The following EPAS1 variants were observed in gnomAD, a reference collection of about 807,000 sequenced individuals.
The protein encoded by EPAS1 is endothelial PAS domain-containing protein 1.
In EPAS1, 23 loss-of-function variants were observed where a neutral mutation model predicts 87.9. The ratio of observed to expected loss-of-function variants is 0.26; its 90% CI spans 0.19 to 0.37. The LOEUF (loss-of-function observed/expected upper bound fraction) is 0.37, where lower values mean the gene tolerates loss of function less well. Ranked by LOEUF, EPAS1 falls within the 10% of genes least tolerant of loss-of-function variation. The probability of loss-of-function intolerance (pLI) is 1.00; values close to 1 mark genes in which losing one functional copy is unlikely to be tolerated. For missense variants in EPAS1, 1,138 were observed against 1,120.7 expected (o/e 1.02, Z -0.22); for synonymous variants, 508 against 444.3 (o/e 1.14, Z -1.80).
chr2:46,355,990 G>A (rs931039678), intron 2 of EPAS1, 161 bp from the exon 3 acceptor site: 1 of 760,848 alleles, frequency 1.3e-6, no homozygotes, highest in Non-Finnish European at 2.3e-6. Flanking sequence ...AGTGGTGCCT[G>A]CTGCCAGGCG....
intron 6 of EPAS1, among the ~76,000 whole-genome samples, chr2:46,364,689 T>C (rs1684467509): frequency 6.6e-6 from 1 of 152,256 alleles, no homozygotes; most frequent in South Asian, 2.1e-4. Flanking sequence ...TATGGTCAAC[T>C]GCTCTAGACA....
In EPAS1 at chr2:46,375,680, C is replaced by T. The variant is rs777230054; in HGVS notation, c.887-10C>T. The T allele has an allele frequency of 6.8e-6, 11 of 1,613,650 alleles. No individual in the cohort carries two copies. The highest frequency in any genetic ancestry group is 6.7e-5 in the East Asian group (3 of 44,856). On this transcript the variant is annotated splice_polypyrimidine_tract_variant and intron_variant, in intron 7 of 15. Transcript: ENST00000263734. The surrounding 1 kb of genome is among the most constrained non-coding windows in gnomAD (Gnocchi z 4.1). ...CCTCCCTAAGCTCAGCTCTGTTTCTCCTCCCCTAGTGTGCACCAAGGGTCA... is the reference window on the plus strand; with the variant it reads ...CCTCCCTAAGCTCAGCTCTGTTTCTTCTCCCCTAGTGTGCACCAAGGGTCA...
chr2:46,381,626 A>G lies in EPAS1; in HGVS notation c.2076A>G (p.Pro692=), dbSNP rs146613530. ...RSAKGFGARG[P]DVLSPAMVAL... ...CAAAGGGTTTTGGGGCTCGAGGCCC[A>G]GACGTGCTGAGTCCGGCCATGGTAG... Residue 692 remains proline, a synonymous_variant, in exon 13 of 16, where the codon CCA becomes CCG. Coordinates refer to ENST00000263734, the MANE Select transcript of EPAS1 (RefSeq NM_001430.5). The G allele has an allele frequency of 6.8e-6, 11 of 1,613,844 alleles. No individual in the cohort carries two copies. The African/African-American group carries it at 1.3e-4, about 20-fold the overall frequency.
chr2:46,371,417 G>A lies in EPAS1; in HGVS notation c.886+1484G>A, dbSNP rs577484421. On this transcript the variant is annotated intron_variant, in intron 7 of 15. Transcript: ENST00000263734. This position sits in a 1 kb window ranked among gnomAD's most constrained non-coding sequence, Gnocchi z 4.3. ...GGGTTTGATTTGACAGTACAACAGG[G>A]CCCATTATGATATCTCAGAGAAGTT... Among the ~76,000 whole-genome samples the A allele has an allele frequency of 1.2e-4, 18 of 152,216 alleles. 1 individual carries two copies. The South Asian group carries it at 3.1e-3, about 26-fold the overall frequency.
At chr2:46,354,847 C>A (rs1204497920) in intron 2 of EPAS1, among the ~76,000 whole-genome samples, 2 of 152,156 alleles carry the variant, frequency 1.3e-5, no homozygotes, top group Non-Finnish European at 2.9e-5. Flanking sequence ...GAAATGGATT[C>A]TCTTCTTCAG....
chr2:46,332,332 G>GTGTATATA (rs146630883), intron 1 of EPAS1, among the ~76,000 whole-genome samples: 2,352 of 142,162 alleles, frequency 0.017, 68 homozygotes, highest in African/African-American at 0.06. Context: ...GTGTGTGTGT[G>GTGTATATA]TATCAACTTG....
At chr2:46,336,579 C>G (rs1320304832) in intron 1 of EPAS1, among the ~76,000 whole-genome samples, 2 of 152,184 alleles carry the variant, frequency 1.3e-5, no homozygotes, top group African/African-American at 4.8e-5. Flanking sequence ...AAGAAAGCTA[C>G]AAAGAGAACA....
At chr2:46,305,160 G>A (rs1217052189) in intron 1 of EPAS1, among the ~76,000 whole-genome samples, 1 of 152,178 alleles carries the variant, frequency 6.6e-6, no homozygotes, top group Non-Finnish European at 1.5e-5. Flanking sequence ...GTGTAATTTG[G>A]TGACCCTTGT....
chr2:46,375,178 GA>G lies in EPAS1; in HGVS notation c.887-501del, dbSNP rs750659594. Among the ~76,000 whole-genome samples the G allele has an allele frequency of 4.3e-5, 5 of 117,568 alleles. No homozygotes were observed. The highest frequency in any genetic ancestry group is 1.7e-4 in the Admixed American group (2 of 11,726). 77.1% of individuals were successfully genotyped at this position (117,568 alleles called of 152,430 possible). ...GCAGGGTATTGGTGGTGGGTCTGCT[GA>G]AAAAAAAAAACAAAAAAAAACAAAA... On this transcript the variant is annotated intron_variant, in intron 7 of 15. Coordinates refer to ENST00000263734, the MANE Select transcript of EPAS1 (RefSeq NM_001430.5). This position sits in a 1 kb window ranked among gnomAD's most constrained non-coding sequence, Gnocchi z 4.1.
At position 46,325,992 on chromosome 2, in the gene EPAS1, A is replaced by G. The variant is rs564067435; in HGVS notation, c.27-20881A>G. On this transcript the variant is annotated intron_variant, in intron 1 of 15. Coordinates refer to ENST00000263734, the MANE Select transcript of EPAS1 (RefSeq NM_001430.5). ...TAATTATGGCGCCCAGTTATTCTTC[A>G]TAAGGGGAAACCTTGGAATAGCATG... 3.3e-5 allele frequency among the ~76,000 whole-genome samples: 5 copies of G among 152,356 alleles called. No individual in the cohort carries two copies. In the East Asian group the frequency reaches 9.6e-4, roughly 29 times the overall value.
chr2:46,305,043 TAATC>T (rs996394158), intron 1 of EPAS1, among the ~76,000 whole-genome samples: 4 of 152,280 alleles, frequency 2.6e-5, no homozygotes, highest in South Asian at 2.1e-4. Context: ...ACACATACCT[TAATC>T]AAGAGAGAAG....
intron 2 of EPAS1, among the ~76,000 whole-genome samples, chr2:46,354,714 C>T (rs1485437410): frequency 6.6e-6 from 1 of 152,058 alleles, no homozygotes; most frequent in African/African-American, 2.4e-5. Flanking sequence ...TTCTGTACGC[C>T]ATTGCCAGAC....
At position 46,375,728 on chromosome 2, in the gene EPAS1, A is replaced by C; in HGVS notation, c.925A>C (p.Met309Leu). ...TCAGGTAGTAAGTGGCCAGTACCGG[A>C]TGCTCGCAAAGCATGGGGGCTACGT... The part of the protein sequence containing the change: ...KGQVVSGQYR[M>L]LAKHGGYVWL... The change falls in exon 8 of 16, where the codon ATG (methionine) becomes CTG (leucine). Residue 309 changes from methionine (M) to leucine (L), a missense_variant. Transcript: ENST00000263734. This position sits in a 1 kb window ranked among gnomAD's most constrained non-coding sequence, Gnocchi z 4.1. The C allele has an allele frequency of 1.2e-6, 2 of 1,614,084 alleles. No individual in the cohort carries two copies. The highest frequency in any genetic ancestry group is 2.2e-5 in the South Asian group (2 of 91,076).
At chr2:46,352,004 G>T (rs887887577) in intron 2 of EPAS1, among the ~76,000 whole-genome samples, 1 of 152,232 alleles carries the variant, frequency 6.6e-6, no homozygotes, top group African/African-American at 2.4e-5. Flanking sequence ...GCTGTGGGGA[G>T]TCATCAAAGC....
intron 1 of EPAS1, among the ~76,000 whole-genome samples, chr2:46,304,209 C>T (rs1558580809): frequency 1.3e-5 from 2 of 152,162 alleles, no homozygotes; most frequent in African/African-American, 2.4e-5. Context: ...GTGCCAGTGC[C>T]GTCCTCAGAA....
intron 2 of EPAS1, among the ~76,000 whole-genome samples, chr2:46,352,745 C>T (rs568565637): frequency 1.7e-4 from 26 of 152,312 alleles, no homozygotes; most frequent in African/African-American, 3.4e-4. Flanking sequence ...CCGGCCCTGC[C>T]GTCACAGGGT....
In EPAS1 at chr2:46,305,754, A is replaced by C. The variant is rs1163604437; in HGVS notation, c.26+7817A>C. 2.0e-5 allele frequency among the ~76,000 whole-genome samples: 3 copies of C among 152,222 alleles called. No homozygotes were observed. In the East Asian group the frequency reaches 5.8e-4, roughly 29 times the overall value. The stretch of plus-strand genomic sequence containing the variant: ...CAGCCATGGAACTCTCCTATTAAAA[A>C]AACTAAGAGATAAGTGGTAGCAATC... On this transcript the variant is annotated intron_variant, in intron 1 of 15. Transcript: ENST00000263734.
chr2:46,352,458 T>C (rs1284309987), intron 2 of EPAS1, among the ~76,000 whole-genome samples: 2 of 152,166 alleles, frequency 1.3e-5, no homozygotes, highest in East Asian at 3.8e-4. Flanking sequence ...AACTTAATAA[T>C]GGTGTAGGGA....
chr2:46,332,995 C>A lies in EPAS1; in HGVS notation c.27-13878C>A, dbSNP rs112788969. Among the ~76,000 whole-genome samples the A allele has an allele frequency of 1.2e-4, 19 of 152,290 alleles. 1 individual carries two copies. Among genetic ancestry groups the A allele is most frequent in the African/African-American group, 4.1e-4 (17 of 41,554 alleles). ...AGTGAGAGCTGACTAGCAGCTGGCT[C>A]ACGAAACACACCCATGATGTGGACA... On this transcript the variant is annotated intron_variant, in intron 1 of 15. Transcript: ENST00000263734.
Sources: gnomAD v4.1 joint callset for allele counts (sites outside exome capture counted in the v4.1 genomes callset) on GRCh38, gnomAD v4.1.1 for gene constraint, Gnocchi (gnomAD v3.1) non-coding constraint, MANE v1.5 for transcripts, NCBI Gene and HGNC (gene_info 2026-07-23, HGNC 2026-07-21) for gene names.